The following FHDC1 variants were observed in gnomAD, a reference collection of about 807,000 sequenced individuals.
FHDC1 encodes FH2 domain containing 1.
FHDC1 carries 25 observed loss-of-function variants against 52.6 expected under a neutral mutation model. The observed-to-expected ratio is 0.48, with a 90% CI of 0.35 to 0.66. The LOEUF (loss-of-function observed/expected upper bound fraction) is 0.66, where lower values mean the gene tolerates loss of function less well. Ranked by LOEUF, FHDC1 falls within the 30% of genes least tolerant of loss-of-function variation. FHDC1 has a pLI of 0.01. For missense variants in FHDC1, 1,459 were observed against 1,452.8 expected, an observed-to-expected ratio of 1.00 and a Z score of -0.07; for synonymous variants, 616 against 581.5, an observed-to-expected ratio of 1.06 and a Z score of -0.85.
the FHDC1 span, among the ~76,000 whole-genome samples, chr4:152,930,997 A>ACACACACACACACACACT: frequency 1.2e-4 from 14 of 113,250 alleles, no homozygotes; most frequent in Admixed American, 5.9e-4. Context: ...ACACACACAC[A>ACACACACACACACACACT]CTCTCTCTCT....
At chr4:152,931,163 G>A in the FHDC1 span, among the ~76,000 whole-genome samples, 1 of 152,000 alleles carries the variant, frequency 6.6e-6, no homozygotes, top group Non-Finnish European at 1.5e-5. Context: ...AAAAGAAACT[G>A]GCATCTGACA....
At chr4:152,973,641 G>A (rs1211794001) in intron 11 of FHDC1, among the ~76,000 whole-genome samples, 1 of 152,250 alleles carries the variant, frequency 6.6e-6, no homozygotes, top group Admixed American at 6.5e-5. Flanking sequence ...ACTTGGGGAC[G>A]AGGTGGGAGG....
In FHDC1 at chr4:152,976,321, T is replaced by C; in HGVS notation, c.3030T>C (p.Pro1010=). The C allele has an allele frequency of 6.2e-7, 1 of 1,613,626 alleles. No homozygotes were observed. The highest frequency in any genetic ancestry group is 8.5e-7 in the Non-Finnish European group (1 of 1,179,992). The change falls in exon 12 of 12, where the codon CCT becomes CCC. Residue 1010 remains proline (P), a synonymous_variant. Transcript: ENST00000511601. ...CCTGCCGCGCCCACTCCGAGGGCCC[T>C]GAGAGTCCCAAAGAAGAGCCCAAGA... is the stretch of plus-strand genomic sequence containing the variant. ...NKTCRAHSEG[P]ESPKEEPKTP...
At chr4:152,953,599 C>G in intron 3 of FHDC1, 39 bp downstream of exon 3, 1 of 1,530,988 alleles carries the variant, frequency 6.5e-7, no homozygotes, top group Middle Eastern at 1.7e-4. Context: ...AGTCATATCC[C>G]TGCTGTCAGC....
chr4:152,967,023 G>A (rs924900619), intron 9 of FHDC1, among the ~76,000 whole-genome samples: 3 of 152,164 alleles, frequency 2.0e-5, no homozygotes, highest in African/African-American at 7.2e-5. Context: ...GGAAGGCTGT[G>A]GTGAGAGGAT....
rs1244003192 is a variant in FHDC1 at position 152,978,644 on chromosome 4, A to C, written c.*1921A>C. ...AAATTCTTGGAATTTTTTTTTTAAG[A>C]AACTTTTTTGTGTTTTTTTTAATTT... On this transcript the variant is annotated 3_prime_UTR_variant, in exon 12 of 12. Transcript: ENST00000511601. 2.0e-5 allele frequency: 3 copies of C among 152,000 alleles called. No individual in the cohort carries two copies. The highest frequency in any genetic ancestry group is 4.4e-5 in the Non-Finnish European group (3 of 68,012). The allele number at this position is 152,000 out of a possible 1,614,324, so 9.4% of individuals were successfully genotyped here.
chr4:152,972,290 CG>C, intron 10 of FHDC1, 86 bp from the exon 11 acceptor site: 1 of 1,349,092 alleles, frequency 7.4e-7, no homozygotes, highest in Non-Finnish European at 1.0e-6. Flanking sequence ...CCCCAGAGCA[CG>C]TCTTCTCTGG....
chr4:152,943,622 A>G (rs1318148639), intron 2 of FHDC1, 67 bp downstream of exon 2: 7 of 1,509,026 alleles, frequency 4.6e-6, no homozygotes, highest in Non-Finnish European at 5.3e-6. Context: ...GGATGTGTGT[A>G]CATTTCAAAT....
Position 152,974,782 on chromosome 4 carries a change from G to A in FHDC1, c.1491G>A (p.Arg497=), listed in dbSNP as rs924623780. The change falls in exon 12 of 12, where the codon CGG becomes CGA. Residue 497 remains arginine, a synonymous_variant. Coordinates refer to ENST00000511601, the MANE Select transcript of FHDC1 (RefSeq NM_001371116.1). ...WATGELGAFG[R]SSSENDVELL... ...CTGGGGAGCTGGGGGCATTTGGCCG[G>A]AGCAGCAGTGAGAATGATGTGGAGC... The A allele has an allele frequency of 6.5e-7, 1 of 1,550,100 alleles. No homozygotes were observed. Among genetic ancestry groups the A allele is most frequent in the Non-Finnish European group, 8.7e-7 (1 of 1,144,880 alleles).
the FHDC1 span, among the ~76,000 whole-genome samples, chr4:152,919,047 G>T: frequency 2.6e-5 from 4 of 152,324 alleles, no homozygotes; most frequent in South Asian, 8.3e-4. Flanking sequence ...CATGTTTGTA[G>T]CCCTCCTCGT....
chr4:152,934,719 G>T (rs952143851), upstream of FHDC1, among the ~76,000 whole-genome samples: 5 of 152,194 alleles, frequency 3.3e-5, no homozygotes, highest in African/African-American at 1.2e-4. Flanking sequence ...GAAGCATAGA[G>T]AAGGCCTTAG....
intron 2 of FHDC1, among the ~76,000 whole-genome samples, chr4:152,952,678 C>T (rs113175873): frequency 2.2e-4 from 33 of 152,254 alleles, no homozygotes; most frequent in African/African-American, 7.9e-4. Flanking sequence ...AAATACTATG[C>T]AATTTTATGT....
intron 2 of FHDC1, among the ~76,000 whole-genome samples, chr4:152,952,033 A>T (rs764568566): frequency 6.6e-6 from 1 of 151,996 alleles, no homozygotes; most frequent in African/African-American, 2.4e-5. Context: ...AAATGCAAAA[A>T]CAAACAAACA....
the FHDC1 span, among the ~76,000 whole-genome samples, chr4:152,929,707 A>G: frequency 1.6e-4 from 24 of 152,134 alleles, no homozygotes; most frequent in Non-Finnish European, 3.4e-4. This position sits in a 1 kb window ranked among gnomAD's most constrained non-coding sequence, Gnocchi z 4.1. Context: ...GCCATAGACA[A>G]TGTTTAACCT....
chr4:152,938,059 C>T (rs1050007424), intron 1 of FHDC1, among the ~76,000 whole-genome samples: 1 of 152,150 alleles, frequency 6.6e-6, no homozygotes, highest in Admixed American at 6.5e-5. Context: ...TTTCAAACTT[C>T]CGTGTGGACA....
Position 152,975,517 on chromosome 4 carries a change from CA to C in FHDC1, c.2228del (p.Lys743ArgfsTer39). On this transcript the variant is annotated frameshift_variant, in exon 12 of 12. Coordinates refer to ENST00000511601, the MANE Select transcript of FHDC1 (RefSeq NM_001371116.1). LOFTEE classifies it low-confidence loss of function (END_TRUNC). ...GSLSPALEDG[K>X]AAPDEPGSAA... ...GTCTCAGCCCAGCGCTGGAGGATGGCAAGGCTGCCCCCGATGAGCCTGGAAG... is the reference window on the plus strand; with the variant it reads ...GTCTCAGCCCAGCGCTGGAGGATGGCAGGCTGCCCCCGATGAGCCTGGAAG... The C allele has an allele frequency of 6.2e-7, 1 of 1,613,542 alleles. No individual in the cohort carries two copies. The highest frequency in any genetic ancestry group is 1.6e-4 in the Middle Eastern group (1 of 6,062).
In FHDC1 at chr4:152,978,681, T is replaced by C. The variant is rs1384982028; in HGVS notation, c.*1958T>C. On this transcript the variant is annotated 3_prime_UTR_variant, in exon 12 of 12. Transcript: ENST00000511601. ...GTTTTTTTTAATTTTAGGTCACTTATTAGTGAAACCTCATTTTAGATCTGA... is the reference window on the plus strand; with the variant it reads ...GTTTTTTTTAATTTTAGGTCACTTACTAGTGAAACCTCATTTTAGATCTGA... The C allele has an allele frequency of 6.6e-6, 1 of 152,180 alleles. No individual in the cohort carries two copies. The highest frequency in any genetic ancestry group is 1.5e-5 in the Non-Finnish European group (1 of 68,032). 9.4% of individuals were successfully genotyped at this position (152,180 alleles called of 1,614,324 possible). A position where few individuals can be genotyped will look rare whatever the true frequency, so the allele number is the denominator to read the frequency against.
At chr4:152,944,786 T>A (rs1049450821) in intron 2 of FHDC1, among the ~76,000 whole-genome samples, 4 of 152,394 alleles carry the variant, frequency 2.6e-5, no homozygotes, top group African/African-American at 7.2e-5. Context: ...CCGTCAGTGC[T>A]GAACACAGGC....
At chr4:152,958,480 C>G (rs983528556) in intron 4 of FHDC1, among the ~76,000 whole-genome samples, 3 of 147,446 alleles carry the variant, frequency 2.0e-5, no homozygotes, top group Non-Finnish European at 3.0e-5. Flanking sequence ...TTTCCATCAC[C>G]CTTCTCTTGA....
Sources: allele counts gnomAD v4.1 joint callset (sites outside exome capture counted in the v4.1 genomes callset), GRCh38; gene constraint gnomAD v4.1.1; non-coding constraint Gnocchi (gnomAD v3.1); transcripts MANE v1.5; gene names NCBI Gene and HGNC (gene_info 2026-07-23, HGNC 2026-07-21).